The following EDARADD variants were observed in gnomAD, a reference collection of about 807,000 sequenced individuals.
EDARADD encodes ectodysplasin-A receptor-associated adapter protein.
EDARADD carries 20 observed loss-of-function variants against 25.6 expected under a neutral mutation model. That is an observed-to-expected ratio of 0.78 (90% CI 0.55 to 1.14). The LOEUF is 1.14. Ranked by LOEUF, EDARADD falls within the 50% of genes most tolerant of loss-of-function variation. The probability of loss-of-function intolerance (pLI) is 0.00; values close to 1 mark genes in which losing one functional copy is unlikely to be tolerated. For missense variants in EDARADD, 225 were observed against 270.1 expected (o/e 0.83, Z 1.17); for synonymous variants, 86 against 94.4 (o/e 0.91, Z 0.52).
chr1:236,427,585 C>A, intron 4 of EDARADD, 135 bp downstream of exon 4: 1 of 764,942 alleles, frequency 1.3e-6, no homozygotes, highest in Non-Finnish European at 2.1e-6. Context: ...TGCAAATGGT[C>A]TCTAAGCATC....
intron 5 of EDARADD, among the ~76,000 whole-genome samples, chr1:236,476,437 G>T (rs962370315): frequency 3.3e-5 from 5 of 152,206 alleles, no homozygotes; most frequent in African/African-American, 1.2e-4. Context: ...TGTAATCCCA[G>T]CACTTCGGGA....
In EDARADD at chr1:236,409,289, T is replaced by G. The variant is rs1228803650; in HGVS notation, c.120+15T>G. On this transcript the variant is annotated intron_variant, in intron 2 of 5. Transcript: ENST00000334232. ...CCTTTAATATGGTAGGTGACAAATT[T>G]TACACTAATGGTGATAATTATTGTT... 1.3e-6 allele frequency: 2 copies of G among 1,592,204 alleles called. No homozygotes were observed. Among genetic ancestry groups the G allele is most frequent in the Non-Finnish European group, 1.7e-6 (2 of 1,160,452 alleles).
At chr1:236,414,412 T>C (rs373346852) in intron 3 of EDARADD, 113 bp downstream of exon 3, 5 of 822,120 alleles carry the variant, frequency 6.1e-6, no homozygotes, top group East Asian at 4.9e-5. Flanking sequence ...AACATGCCCA[T>C]AGATTAGCTC....
intron 4 of EDARADD, among the ~76,000 whole-genome samples, chr1:236,447,510 C>T (rs1305147132): frequency 1.3e-5 from 2 of 152,032 alleles, no homozygotes; most frequent in Non-Finnish European, 2.9e-5. Context: ...GCATGTCCTC[C>T]CGCCATCCTA....
At chr1:236,410,657 G>A (rs1046427893) in intron 2 of EDARADD, among the ~76,000 whole-genome samples, 1 of 152,172 alleles carries the variant, frequency 6.6e-6, no homozygotes, top group African/African-American at 2.4e-5. Context: ...TATTGTGTAG[G>A]ACACATTCCT....
chr1:236,405,148 C>A (rs1667684662), intron 1 of EDARADD, among the ~76,000 whole-genome samples: 1 of 152,044 alleles, frequency 6.6e-6, no homozygotes, highest in Non-Finnish European at 1.5e-5. Flanking sequence ...GCCTCTAACA[C>A]CTGTTCTAAA....
At position 236,395,827 on chromosome 1, in the gene EDARADD, G is replaced by T. The variant is rs898564006; in HGVS notation, c.61+1322G>T. ...GGCGCCAGACCCGGAGTCGCACGGG[G>T]CTCCCAGTCCAGCCCCGCGAGCGGC... On this transcript the variant is annotated intron_variant, in intron 1 of 5. Transcript: ENST00000334232. The surrounding 1 kb of genome is among the most constrained non-coding windows in gnomAD (Gnocchi z 6.9). Among the ~76,000 whole-genome samples, 2 of 151,982 alleles carry T rather than the reference G, an allele frequency of 1.3e-5. 1 individual carries two copies. The highest frequency in any genetic ancestry group is 4.2e-4 in the South Asian group (2 of 4,810).
intron 3 of EDARADD, among the ~76,000 whole-genome samples, chr1:236,383,165 T>C (rs1347220082): frequency 2.0e-5 from 3 of 151,984 alleles, no homozygotes; most frequent in African/African-American, 4.8e-5. Flanking sequence ...GAGGCCAAGA[T>C]GGACATATCA....
At chr1:236,409,331 T>C in intron 2 of EDARADD, 57 bp downstream of exon 2, 1 of 1,418,978 alleles carries the variant, frequency 7.0e-7, no homozygotes, top group Middle Eastern at 1.9e-4. Flanking sequence ...TTTTTCTTTG[T>C]TATTTCTTTA....
chr1:236,443,670 G>A (rs570292082), intron 4 of EDARADD, among the ~76,000 whole-genome samples: 1 of 152,336 alleles, frequency 6.6e-6, no homozygotes, highest in Non-Finnish European at 1.5e-5. Context: ...AAAGAAAGTA[G>A]TTTCTTGTGA....
intron 1 of EDARADD, among the ~76,000 whole-genome samples, chr1:236,403,322 C>T (rs1571913201): frequency 6.6e-6 from 1 of 152,064 alleles, no homozygotes; most frequent in Admixed American, 6.6e-5. Flanking sequence ...GAGTCTCGCT[C>T]TGTCGACCAG....
chr1:236,432,396 A>C (rs1658121324), intron 4 of EDARADD, among the ~76,000 whole-genome samples: 1 of 148,872 alleles, frequency 6.7e-6, no homozygotes, highest in Non-Finnish European at 1.5e-5. Flanking sequence ...CACCAAAAGA[A>C]AAAAAAAAAA....
At chr1:236,394,150 A>G (rs1368790055), upstream of EDARADD, 2 of 406,000 alleles carry the variant, frequency 4.9e-6, no homozygotes, top group Admixed American at 3.8e-5. Context: ...AAGCTCACTC[A>G]ACTAGTGTTT....
intron 3 of EDARADD, among the ~76,000 whole-genome samples, chr1:236,363,192 A>G (rs367660274): frequency 6.7e-6 from 1 of 148,770 alleles, no homozygotes; most frequent in Non-Finnish European, 1.5e-5. Flanking sequence ...TATTTCTGAC[A>G]TCTCTACTCT....
chr1:236,372,650 T>G (rs1478272691), intron 3 of EDARADD, among the ~76,000 whole-genome samples: 4 of 152,228 alleles, frequency 2.6e-5, no homozygotes, highest in African/African-American at 4.8e-5. Context: ...CTTCATTAAA[T>G]GTTTGGTAAA....
At chr1:236,474,641 A>G (rs1659453093) in intron 5 of EDARADD, among the ~76,000 whole-genome samples, 1 of 152,232 alleles carries the variant, frequency 6.6e-6, no homozygotes, top group Non-Finnish European at 1.5e-5. Flanking sequence ...GATATCAGCT[A>G]CATTCTTTCT....
intron 3 of EDARADD, among the ~76,000 whole-genome samples, chr1:236,366,008 A>G (rs1667109174): frequency 6.6e-6 from 1 of 152,260 alleles, no homozygotes; most frequent in Non-Finnish European, 1.5e-5. Context: ...AACTTCTTGA[A>G]CACATGAAAT....
chr1:236,409,090 A>C, intron 1 of EDARADD, 126 bp from the exon 2 acceptor site: 2 of 446,912 alleles, frequency 4.5e-6, no homozygotes, highest in African/African-American at 2.1e-5. Context: ...AAAAAAAAGG[A>C]GTAAGGTTTT....
intron 5 of EDARADD, among the ~76,000 whole-genome samples, chr1:236,479,723 AT>A (rs1659613068): frequency 6.9e-6 from 1 of 144,570 alleles, no homozygotes; most frequent in Non-Finnish European, 1.5e-5. Flanking sequence ...AATTCCCTGC[AT>A]TTTCTTTTTT....
Sources: allele counts gnomAD v4.1 joint callset (sites outside exome capture counted in the v4.1 genomes callset), GRCh38; gene constraint gnomAD v4.1.1; non-coding constraint Gnocchi (gnomAD v3.1); transcripts MANE v1.5; gene names NCBI Gene and HGNC (gene_info 2026-07-23, HGNC 2026-07-21).